KIRREL3: variants seen among roughly 807,000 people sequenced by gnomAD.
KIRREL3 encodes kin of IRRE-like protein 3.
A neutral mutation model predicts 89.7 loss-of-function variants in KIRREL3; 36 were observed. The ratio of observed to expected loss-of-function variants is 0.40; its 90% CI spans 0.31 to 0.53. The LOEUF (loss-of-function observed/expected upper bound fraction) is 0.53, where lower values mean the gene tolerates loss of function less well. Ranked by LOEUF, KIRREL3 falls within the 20% of genes least tolerant of loss-of-function variation. The probability of loss-of-function intolerance (pLI) is 0.49; values close to 1 mark genes in which losing one functional copy is unlikely to be tolerated. For synonymous variants in KIRREL3, 445 were observed against 441.4 expected (o/e 1.01, Z -0.10); for missense variants, 864 against 1,056.6 (o/e 0.82, Z 2.53).
At chr11:126,472,425 A>G (rs1956920546) in intron 5 of KIRREL3, among the ~76,000 whole-genome samples, 1 of 152,180 alleles carries the variant, frequency 6.6e-6, no homozygotes, top group South Asian at 2.1e-4. Flanking sequence ...TGTGGAAGGG[A>G]CAAGGGGTCT....
At chr11:126,869,724 G>A (rs1328892338) in intron 1 of KIRREL3, among the ~76,000 whole-genome samples, 1 of 152,126 alleles carries the variant, frequency 6.6e-6, no homozygotes, top group Non-Finnish European at 1.5e-5. Context: ...AACTAGGATT[G>A]TAAAGTCCTG....
Position 126,484,033 on chromosome 11 carries a change from C to G in KIRREL3, c.434-10567G>C, listed in dbSNP as rs1222460614. Among the ~76,000 whole-genome samples the G allele has an allele frequency of 6.6e-6, 1 of 152,196 alleles. No individual in the cohort carries two copies. Among genetic ancestry groups the G allele is most frequent in the African/African-American group, 2.4e-5 (1 of 41,444 alleles). On this transcript the variant is annotated intron_variant, in intron 4 of 16. Coordinates refer to ENST00000525144, the MANE Select transcript of KIRREL3 (RefSeq NM_032531.4). This position sits in a 1 kb window ranked among gnomAD's most constrained non-coding sequence, Gnocchi z 5.2. ...TGGCGCCATTACCACCTGTTGTTCC[C>G]CTGAGGCTGTGAGCTCCTTGAGGGC... is the stretch of plus-strand genomic sequence containing the variant.
intron 1 of KIRREL3, among the ~76,000 whole-genome samples, chr11:126,842,532 C>T (rs1350950947): frequency 6.6e-6 from 1 of 152,070 alleles, no homozygotes; most frequent in Non-Finnish European, 1.5e-5. Flanking sequence ...AGACTAAGTC[C>T]CCCAATATCC....
At chr11:126,637,557 C>A (rs1362368148) in intron 1 of KIRREL3, among the ~76,000 whole-genome samples, 1 of 152,166 alleles carries the variant, frequency 6.6e-6, no homozygotes, top group Non-Finnish European at 1.5e-5. Flanking sequence ...CAAATTCAAC[C>A]TACAGGTTTA....
At chr11:126,440,165 C>G (rs1955505422) in intron 11 of KIRREL3, 5 of 651,036 alleles carry the variant, frequency 7.7e-6, no homozygotes, top group Non-Finnish European at 1.4e-5. Context: ...CCACTACCCT[C>G]GTGTGCCCCT....
chr11:126,949,617 T>C (rs1169820851), intron 1 of KIRREL3, among the ~76,000 whole-genome samples: 1 of 152,234 alleles, frequency 6.6e-6, no homozygotes, highest in Non-Finnish European at 1.5e-5. Flanking sequence ...AGAGATTGCC[T>C]GAGCAGCATG....
rs1955021318 is a variant in KIRREL3 at position 126,428,592 on chromosome 11, C to G, written c.1806+587G>C. ...TAACAACATATTGTGGCAATTTATG[C>G]ATATGTCTTTTCTCCTTACTGAAGA... On this transcript the variant is annotated intron_variant, in intron 15 of 16. Transcript: ENST00000525144. The surrounding 1 kb of genome is among the most constrained non-coding windows in gnomAD (Gnocchi z 6.4). Among the ~76,000 whole-genome samples, 1 of 152,070 alleles carries G rather than the reference C, an allele frequency of 6.6e-6. No homozygotes were observed. Among genetic ancestry groups the G allele is most frequent in the African/African-American group, 2.4e-5 (1 of 41,404 alleles).
At chr11:126,916,622 C>T (rs1222639289) in intron 1 of KIRREL3, among the ~76,000 whole-genome samples, 2 of 152,156 alleles carry the variant, frequency 1.3e-5, no homozygotes, top group African/African-American at 2.4e-5. Context: ...GAAGTCTTTG[C>T]TATCCCTTAA....
intron 1 of KIRREL3, among the ~76,000 whole-genome samples, chr11:126,698,392 A>G (rs1471000304): frequency 1.3e-5 from 2 of 152,216 alleles, no homozygotes; most frequent in Non-Finnish European, 2.9e-5. Context: ...AATCTCTCCA[A>G]ACGCTATTAT....
At chr11:126,894,580 A>G (rs1946072169) in intron 1 of KIRREL3, among the ~76,000 whole-genome samples, 1 of 145,624 alleles carries the variant, frequency 6.9e-6, no homozygotes, top group East Asian at 2.0e-4. Context: ...AGGAAAAGAA[A>G]GAAAGAAAGA....
chr11:126,482,107 C>T (rs139530430), intron 4 of KIRREL3, among the ~76,000 whole-genome samples: 2,044 of 152,250 alleles, frequency 0.013, 14 homozygotes, highest in Non-Finnish European at 0.023. Context: ...GGCATGATCT[C>T]GGCTCACTGC....
chr11:126,598,486 T>G (rs1942500877), intron 1 of KIRREL3, among the ~76,000 whole-genome samples: 1 of 152,088 alleles, frequency 6.6e-6, no homozygotes, highest in African/African-American at 2.4e-5. Context: ...ACCTGGGAGG[T>G]GCACCTCTTT....
chr11:126,545,558 C>G (rs1810419569), intron 2 of KIRREL3, among the ~76,000 whole-genome samples: 1 of 151,592 alleles, frequency 6.6e-6, no homozygotes, highest in East Asian at 1.9e-4. Flanking sequence ...ATTGCTTGAG[C>G]CCAGGAGTTC....
rs1368856608 is a variant in KIRREL3 at position 126,991,216 on chromosome 11, G to A, written c.55+9239C>T. Among the ~76,000 whole-genome samples, 1 of 152,164 alleles carries A rather than the reference G, an allele frequency of 6.6e-6. No individual in the cohort carries two copies. Among genetic ancestry groups the A allele is most frequent in the East Asian group, 1.9e-4 (1 of 5,194 alleles). On this transcript the variant is annotated intron_variant, in intron 1 of 16. Coordinates refer to ENST00000525144, the MANE Select transcript of KIRREL3 (RefSeq NM_032531.4). This position sits in a 1 kb window ranked among gnomAD's most constrained non-coding sequence, Gnocchi z 5.8. ...CCAGAAAGGAACAACTTCCTGCAGG[G>A]CACGTCCACACTTCACTTAGTCAGG... is the stretch of plus-strand genomic sequence containing the variant.
At position 126,498,390 on chromosome 11, in the gene KIRREL3, C is replaced by T. The variant is rs1370088542; in HGVS notation, c.433+22925G>A. On this transcript the variant is annotated intron_variant, in intron 4 of 16. Coordinates refer to ENST00000525144, the MANE Select transcript of KIRREL3 (RefSeq NM_032531.4). This position sits in a 1 kb window ranked among gnomAD's most constrained non-coding sequence, Gnocchi z 4.3. ...CTCTCTTTAATAAGCCAGGCTCTTC[C>T]CCCCGACCCTGCGATTGTGTTCCTA... Among the ~76,000 whole-genome samples the T allele has an allele frequency of 6.6e-6, 1 of 152,152 alleles. No individual in the cohort carries two copies. Among genetic ancestry groups the T allele is most frequent in the African/African-American group, 2.4e-5 (1 of 41,428 alleles).
At chr11:126,929,430 G>A (rs1231539602) in intron 1 of KIRREL3, among the ~76,000 whole-genome samples, 1 of 152,192 alleles carries the variant, frequency 6.6e-6, no homozygotes, top group Non-Finnish European at 1.5e-5. Context: ...TTTGTGTACA[G>A]AAAGAAGGAG....
At position 126,639,235 on chromosome 11, in the gene KIRREL3, T is replaced by G. The variant is rs1944379264; in HGVS notation, c.56-76323A>C. Among the ~76,000 whole-genome samples the G allele has an allele frequency of 6.6e-6, 1 of 152,196 alleles. No individual in the cohort carries two copies. Among genetic ancestry groups the G allele is most frequent in the Admixed American group, 6.5e-5 (1 of 15,280 alleles). ...CCTTCAAAGGCCACTGGCTCTGACC[T>G]TTTGATAACATTTTAAAAAAAGAAA... is the stretch of plus-strand genomic sequence containing the variant. On this transcript the variant is annotated intron_variant, in intron 1 of 16. Coordinates refer to ENST00000525144, the MANE Select transcript of KIRREL3 (RefSeq NM_032531.4). This position sits in a 1 kb window ranked among gnomAD's most constrained non-coding sequence, Gnocchi z 4.3.
chr11:126,707,109 A>G (rs982536695), intron 1 of KIRREL3, among the ~76,000 whole-genome samples: 1 of 152,062 alleles, frequency 6.6e-6, no homozygotes, highest in Non-Finnish European at 1.5e-5. Flanking sequence ...GCATGCCACC[A>G]CATTGGCTAA....
In KIRREL3 at chr11:126,768,655, A is replaced by G. The variant is rs545886880; in HGVS notation, c.56-205743T>C. On this transcript the variant is annotated intron_variant, in intron 1 of 16. Coordinates refer to ENST00000525144, the MANE Select transcript of KIRREL3 (RefSeq NM_032531.4). The surrounding 1 kb of genome is among the most constrained non-coding windows in gnomAD (Gnocchi z 4.5). ...TGGAGGATGTGACCTTTGGGCTAAG[A>G]CCTGCACAGGAGAGCCCATCCCTCA... 1.8e-4 allele frequency among the ~76,000 whole-genome samples: 28 copies of G among 152,270 alleles called. 2 individuals are homozygous for G. The South Asian group carries it at 5.6e-3, about 30-fold the overall frequency.
Sources: gnomAD v4.1 joint callset for allele counts (sites outside exome capture counted in the v4.1 genomes callset) on GRCh38, gnomAD v4.1.1 for gene constraint, Gnocchi (gnomAD v3.1) non-coding constraint, MANE v1.5 for transcripts, NCBI Gene and HGNC (gene_info 2026-07-23, HGNC 2026-07-21) for gene names.